ATG2B: variants seen among roughly 807,000 people sequenced by gnomAD.
ATG2B encodes the protein autophagy related 2B, also known as autophagy-related protein 2 homolog B.
Under a neutral mutation model 241.3 loss-of-function variants are expected in ATG2B, and 121 were observed. That is an observed-to-expected ratio of 0.50 (90% CI 0.43 to 0.58). The LOEUF (loss-of-function observed/expected upper bound fraction) is 0.58. Among genes scored for constraint, ATG2B ranks in the 20% least tolerant of loss-of-function variants. ATG2B has a pLI of 0.00. For missense variants in ATG2B, 2,306 were observed against 2,491.6 expected (o/e 0.93, Z 1.59); for synonymous variants, 858 against 876.6 (o/e 0.98, Z 0.37).
chr14:96,353,435 G>A (rs1254452995), intron 1 of ATG2B, among the ~76,000 whole-genome samples: 1 of 152,074 alleles, frequency 6.6e-6, no homozygotes. Context: ...GACCAGCCTA[G>A]GCAGCATGGT....
chr14:96,299,686 T>C (rs1050341017), intron 34 of ATG2B, among the ~76,000 whole-genome samples: 5 of 152,210 alleles, frequency 3.3e-5, no homozygotes, highest in African/African-American at 1.2e-4. Context: ...ATGGAACTCA[T>C]TCCATCTGCA....
At chr14:96,322,057 G>A (rs1241236097) in intron 18 of ATG2B, 55 bp downstream of exon 18, 3 of 1,302,076 alleles carry the variant, frequency 2.3e-6, no homozygotes, top group Non-Finnish European at 3.1e-6. Context: ...GGAAAATCAG[G>A]GAGGCAATTA....
In ATG2B at chr14:96,332,350, T is replaced by A. The variant is rs753365600; in HGVS notation, c.1423A>T (p.Thr475Ser). ...HHKEQPVRGS[T>S]FPSNLVHPTP... is the part of the protein sequence containing the mutation. ...GGGTGAACTAGGTTGGATGGAAATG[T>A]TGACCCTCTTACTGGCTGTTCTTTA... is the stretch of plus-strand genomic sequence containing the variant. Residue 475 changes from threonine (T) to serine (S), a missense_variant, in exon 10 of 42, where the codon ACA (threonine) becomes TCA (serine). This residue lies in a region of ATG2B where 1,927 missense variants were observed against 2,011.2 expected (regional missense o/e 0.96). Transcript: ENST00000359933. 24 of 1,613,850 alleles carry A rather than the reference T, an allele frequency of 1.5e-5. No homozygotes were observed. The highest frequency in any genetic ancestry group is 5.5e-5 in the South Asian group (5 of 91,074).
chr14:96,342,264 C>T (rs1008226380), intron 5 of ATG2B, among the ~76,000 whole-genome samples: 1 of 150,800 alleles, frequency 6.6e-6, no homozygotes, highest in African/African-American at 2.5e-5. Flanking sequence ...CCAAAATGCT[C>T]CAAAATCCAA....
At position 96,302,041 on chromosome 14, in the gene ATG2B, ACT is replaced by A. The variant is rs1566717021; in HGVS notation, c.5103_5104del (p.Arg1701SerfsTer11). The A allele has an allele frequency of 1.7e-5, 27 of 1,614,026 alleles. No individual in the cohort carries two copies. The highest frequency in any genetic ancestry group is 2.2e-5 in the Non-Finnish European group (26 of 1,179,984). Reference sequence around the variant, plus strand: ...ATTGAGGCGGAGCGGCATCAGCGACACTCTCAAGCAGCACTCCTGTGGGGACC... The same window carrying A: ...ATTGAGGCGGAGCGGCATCAGCGACACTCAAGCAGCACTCCTGTGGGGACC... On this transcript the variant is annotated frameshift_variant, in exon 34 of 42. Transcript: ENST00000359933. LOFTEE classifies it high-confidence loss of function.
chr14:96,347,196 C>T lies in ATG2B; in HGVS notation c.308G>A (p.Arg103Gln), dbSNP rs200455327. The change falls in exon 2 of 42, where the codon CGG becomes CAG. Residue 103 changes from arginine (R) to glutamine (Q), a missense_variant. Arg to Gln is a conservative substitution (Grantham distance 43). Transcript: ENST00000359933. ...LEVRGLEMVFRPRPRPATGSE... is the reference protein window; with the variant it reads ...LEVRGLEMVFQPRPRPATGSE... ...ACACCAACCTGGGCGAGGTCTAGGC[C>T]GGAAGACCATTTCTAATCCTCTCAC... is the stretch of plus-strand genomic sequence containing the variant. The T allele has an allele frequency of 1.9e-5, 30 of 1,594,008 alleles. No homozygotes were observed. Among genetic ancestry groups the T allele is most frequent in the African/African-American group, 5.4e-5 (4 of 74,662 alleles).
chr14:96,349,014 A>G (rs1001312769), intron 1 of ATG2B, among the ~76,000 whole-genome samples: 48 of 152,210 alleles, frequency 3.2e-4, no homozygotes. Flanking sequence ...ACAAGTAATT[A>G]AAGTGTGATG....
At chr14:96,345,992 T>C (rs576097618) in intron 2 of ATG2B, among the ~76,000 whole-genome samples, 49 of 152,172 alleles carry the variant, frequency 3.2e-4, no homozygotes, top group Non-Finnish European at 5.4e-4. Context: ...GAACCTACTA[T>C]ATAGTTAAAG....
chr14:96,284,979 T>C lies in ATG2B; in HGVS notation c.*776A>G, dbSNP rs751842759. The C allele has an allele frequency of 2.6e-5, 4 of 152,220 alleles. No homozygotes were observed. The highest frequency in any genetic ancestry group is 4.4e-5 in the Non-Finnish European group (3 of 68,036). The allele number at this position is 152,220 out of a possible 1,614,324, so 9.4% of individuals were successfully genotyped here. On this transcript the variant is annotated 3_prime_UTR_variant, in exon 42 of 42. Coordinates refer to ENST00000359933, the MANE Select transcript of ATG2B (RefSeq NM_018036.7). ...AACAATTACATGGGCCCCACTTCAT[T>C]ACAGAATGCATTTTCCTGTACTCTT... is the stretch of plus-strand genomic sequence containing the variant.
At chr14:96,331,130 T>G (rs1887719511) in intron 11 of ATG2B, among the ~76,000 whole-genome samples, 1 of 152,200 alleles carries the variant, frequency 6.6e-6, no homozygotes, top group Non-Finnish European at 1.5e-5. Flanking sequence ...ACTAAAGAGA[T>G]CACTTTGAAA....
chr14:96,323,506 C>T (rs913894936), intron 16 of ATG2B, among the ~76,000 whole-genome samples: 5 of 152,218 alleles, frequency 3.3e-5, no homozygotes, highest in Admixed American at 3.3e-4. Context: ...TAAATGATCA[C>T]AGGCTTTTTT....
intron 11 of ATG2B, 43 bp from the exon 12 acceptor site, chr14:96,329,677 T>G: frequency 7.5e-7 from 1 of 1,330,588 alleles, no homozygotes; most frequent in South Asian, 1.3e-5. Flanking sequence ...AGTGTTAAAA[T>G]GTAACAATTA....
chr14:96,355,983 A>G (rs1412359423), intron 1 of ATG2B, among the ~76,000 whole-genome samples: 1 of 152,020 alleles, frequency 6.6e-6, no homozygotes, highest in Admixed American at 6.6e-5. Flanking sequence ...ATCCTGGCTA[A>G]CATGGTGAAA....
intron 1 of ATG2B, among the ~76,000 whole-genome samples, chr14:96,352,335 C>A (rs918416838): frequency 6.6e-6 from 1 of 151,958 alleles, no homozygotes; most frequent in African/African-American, 2.4e-5. Context: ...TGTTTTAATA[C>A]CTATACTATA....
Position 96,332,571 on chromosome 14 carries a change from A to G in ATG2B, c.1292T>C (p.Met431Thr), listed in dbSNP as rs1167762756. 1 of 1,611,196 alleles carries G rather than the reference A, an allele frequency of 6.2e-7. No homozygotes were observed. Among genetic ancestry groups the G allele is most frequent in the East Asian group, 2.2e-5 (1 of 44,848 alleles). The change falls in exon 9 of 42, where the codon ATG (methionine) becomes ACG (threonine). Residue 431 changes from methionine to threonine, a missense_variant. Met to Thr is a moderately conservative substitution (Grantham distance 81). Coordinates refer to ENST00000359933, the MANE Select transcript of ATG2B (RefSeq NM_018036.7). ...ACTAGTTAATGATAACTCAAGGTCC[A>G]TGTTTGGGGGGTCCCCAAGGGGTGG... ...SLPPLGDPPNMDLELSLTSTY... is the reference protein window; with the variant it reads ...SLPPLGDPPNTDLELSLTSTY...
At chr14:96,296,494 G>A (rs973532976) in intron 34 of ATG2B, among the ~76,000 whole-genome samples, 4 of 152,050 alleles carry the variant, frequency 2.6e-5, no homozygotes, top group African/African-American at 9.7e-5. Flanking sequence ...GGGTGCAGTG[G>A]CTCACATCTG....
At position 96,333,828 on chromosome 14, in the gene ATG2B, C is replaced by T. The variant is rs759771840; in HGVS notation, c.1067G>A (p.Arg356Gln). The T allele has an allele frequency of 1.2e-5, 20 of 1,613,546 alleles. No homozygotes were observed. Among genetic ancestry groups the T allele is most frequent in the South Asian group, 6.6e-5 (6 of 91,032 alleles). The change falls in exon 8 of 42, where the codon CGA (arginine) becomes CAA (glutamine). Residue 356 changes from arginine (R) to glutamine (Q), a missense_variant. By Grantham distance (43) the Arg-to-Gln change is conservative. Transcript: ENST00000359933. The part of the protein sequence containing the change: ...IGLANKDRKN[R>Q]PMQQEDEYRI... Reference sequence around the variant, plus strand: ...ATACTCGTCTTCCTGCTGCATGGGTCGATTTTTCCTATCTTTATTAGCTAA... The same window carrying T: ...ATACTCGTCTTCCTGCTGCATGGGTTGATTTTTCCTATCTTTATTAGCTAA...
Position 96,290,652 on chromosome 14 carries a change from C to G in ATG2B, c.5702-62G>C. ...AGTTCAGACTTTTCTATCATTCTAA[C>G]CCTGGGGTTTTTAACTCCTAAAACT... On this transcript the variant is annotated intron_variant, in intron 39 of 41. Coordinates refer to ENST00000359933, the MANE Select transcript of ATG2B (RefSeq NM_018036.7). This position sits in a 1 kb window ranked among gnomAD's most constrained non-coding sequence, Gnocchi z 4.4. 6.3e-7 allele frequency: 1 copy of G among 1,593,368 alleles called. No homozygotes were observed. Among genetic ancestry groups the G allele is most frequent in the South Asian group, 1.1e-5 (1 of 88,630 alleles).
chr14:96,334,487 T>C lies in ATG2B; in HGVS notation c.939A>G (p.Gly313=), dbSNP rs756655613. Residue 313 remains glycine (G), a synonymous_variant, in exon 7 of 42, where the codon GGA becomes GGG. Coordinates refer to ENST00000359933, the MANE Select transcript of ATG2B (RefSeq NM_018036.7). ...VLPGAKLDVD[G]QIDSIHLLLS... ...GGAGTAGATGAATAGAGTCTATCTG[T>C]CCATCAACATCCAACTTAAGGGAAA... 2 of 1,592,264 alleles carry C rather than the reference T, an allele frequency of 1.3e-6. No individual in the cohort carries two copies. Among genetic ancestry groups the C allele is most frequent in the Non-Finnish European group, 1.7e-6 (2 of 1,171,536 alleles).
Sources: allele counts gnomAD v4.1 joint callset (sites outside exome capture counted in the v4.1 genomes callset), GRCh38; gene constraint gnomAD v4.1.1; regional missense constraint gnomAD v4.1.1; non-coding constraint Gnocchi (gnomAD v3.1); transcripts MANE v1.5; gene names NCBI Gene and HGNC (gene_info 2026-07-23, HGNC 2026-07-21).